Variants in ARFGEF3 observed in about 807,000 individuals in gnomAD.
ARFGEF3 encodes the protein ARFGEF family member 3, also known as brefeldin A-inhibited guanine nucleotide-exchange protein 3.
A neutral mutation model predicts 221.7 loss-of-function variants in ARFGEF3; 96 were observed. The ratio of observed to expected loss-of-function variants is 0.43; its 90% CI spans 0.37 to 0.51. The LOEUF is 0.51. ARFGEF3 is among the 20% of genes least tolerant of loss of function. ARFGEF3 has a pLI of 0.00. For missense variants in ARFGEF3, 2,410 were observed against 2,789.9 expected, an observed-to-expected ratio of 0.86 and a Z score of 3.07; for synonymous variants, 1,145 against 1,126.8, an observed-to-expected ratio of 1.02 and a Z score of -0.32.
At chr6:138,205,691 A>G (rs1305065132) in intron 2 of ARFGEF3, among the ~76,000 whole-genome samples, 2 of 152,248 alleles carry the variant, frequency 1.3e-5, no homozygotes, top group African/African-American at 4.8e-5. Flanking sequence ...TAATTTATCC[A>G]TCTGTCAAAG....
Position 138,343,265 on chromosome 6 carries a change from C to T in ARFGEF3, c.*6779C>T, listed in dbSNP as rs1189590396. The T allele has an allele frequency of 1.3e-5, 2 of 152,114 alleles. No individual in the cohort carries two copies. The highest frequency in any genetic ancestry group is 4.8e-5 in the African/African-American group (2 of 41,404). The allele number at this position is 152,114 out of a possible 1,614,324, so 9.4% of individuals were successfully genotyped here. A position where few individuals can be genotyped will look rare whatever the true frequency, so the allele number is the denominator to read the frequency against. On this transcript the variant is annotated 3_prime_UTR_variant, in exon 34 of 34. Transcript: ENST00000251691. ...TAATTACACATAATGCTTATTGATTCAATGAGGTTTCTCTAAAGACTTCTG... is the reference window on the plus strand; with the variant it reads ...TAATTACACATAATGCTTATTGATTTAATGAGGTTTCTCTAAAGACTTCTG...
In ARFGEF3 at chr6:138,263,301, A is replaced by G. The variant is rs1778826813; in HGVS notation, c.1818A>G (p.Thr606=). Residue 606 remains threonine, a synonymous_variant, in exon 12 of 34, where the codon ACA becomes ACG. Coordinates refer to ENST00000251691, the MANE Select transcript of ARFGEF3 (RefSeq NM_020340.5). ...FSVDDQDLSR[T]EFDSCDQYSM... ...TTGATGACCAAGACCTTTCTAGGAC[A>G]GAGTTTGATTCCTGTGATCAGTACT... The G allele has an allele frequency of 6.2e-7, 1 of 1,613,924 alleles. No homozygotes were observed. Among genetic ancestry groups the G allele is most frequent in the African/African-American group, 1.3e-5 (1 of 74,922 alleles).
chr6:138,325,229 G>C (rs1217233169), intron 31 of ARFGEF3, among the ~76,000 whole-genome samples: 11 of 152,176 alleles, frequency 7.2e-5, no homozygotes, highest in Non-Finnish European at 1.6e-4. Context: ...TTCTCTACCA[G>C]ATCTGTTTAA....
intron 20 of ARFGEF3, among the ~76,000 whole-genome samples, chr6:138,296,504 C>G (rs752396093): frequency 6.6e-6 from 1 of 152,098 alleles, no homozygotes; most frequent in Non-Finnish European, 1.5e-5. Context: ...GGATTCGAAT[C>G]CAGACGGTCG....
rs575570939 is a variant in ARFGEF3 at position 138,343,584 on chromosome 6, T to G, written c.*7098T>G. On this transcript the variant is annotated 3_prime_UTR_variant, in exon 34 of 34. Transcript: ENST00000251691. ...AAGTCAATCTCTAAGAGTAATTTAT[T>G]TTTGTTTTACCAACCAGTGCCAAAA... 59 of 152,310 alleles carry G rather than the reference T, an allele frequency of 3.9e-4. No homozygotes were observed. The highest frequency in any genetic ancestry group is 1.2e-3 in the African/African-American group (49 of 41,582). The allele number at this position is 152,310 out of a possible 1,614,324, so 9.4% of individuals were successfully genotyped here. A position where few individuals can be genotyped will look rare whatever the true frequency, so the allele number is the denominator to read the frequency against.
At chr6:138,328,273 T>C in intron 32 of ARFGEF3, 131 bp downstream of exon 32, 1 of 1,157,678 alleles carries the variant, frequency 8.6e-7, no homozygotes, top group Non-Finnish European at 1.2e-6. Context: ...TTAGCAAAGG[T>C]TTTCATAAAA....
intron 5 of ARFGEF3, among the ~76,000 whole-genome samples, chr6:138,232,841 A>G (rs117974208): frequency 0.013 from 2,010 of 152,252 alleles, 31 homozygotes; most frequent in Middle Eastern, 0.058. Context: ...AAGCAAAGTG[A>G]AGTTTGCTTG....
rs138552448 is a variant in ARFGEF3 at position 138,212,640 on chromosome 6, T to C, written c.351+2599T>C. Among the ~76,000 whole-genome samples the C allele has an allele frequency of 5.1e-3, 783 of 152,272 alleles. 3 individuals are homozygous for C. The highest frequency in any genetic ancestry group is 0.024 in the South Asian group (114 of 4,818). ...TGGAACCAACCCATATGTCCATCAA[T>C]GATAGACTGGATTAAGAAAATATGG... On this transcript the variant is annotated intron_variant, in intron 4 of 33. Transcript: ENST00000251691.
At chr6:138,259,787 A>G (rs948587401) in intron 10 of ARFGEF3, among the ~76,000 whole-genome samples, 3 of 152,206 alleles carry the variant, frequency 2.0e-5, no homozygotes, top group Admixed American at 2.0e-4. Context: ...GGTGGCGCAC[A>G]CCTGTGGTCC....
chr6:138,297,021 G>T, intron 21 of ARFGEF3, 66 bp downstream of exon 21: 2 of 1,531,710 alleles, frequency 1.3e-6, no homozygotes, highest in Non-Finnish European at 1.8e-6. Flanking sequence ...GCCAGCATGG[G>T]GGCCTGCAGT....
In ARFGEF3 at chr6:138,252,139, G is replaced by T. The variant is rs573724188; in HGVS notation, c.666-1741G>T. 3.3e-5 allele frequency among the ~76,000 whole-genome samples: 5 copies of T among 152,252 alleles called. No individual in the cohort carries two copies. In the East Asian group the frequency reaches 9.7e-4, roughly 29 times the overall value. On this transcript the variant is annotated intron_variant, in intron 8 of 33. Coordinates refer to ENST00000251691, the MANE Select transcript of ARFGEF3 (RefSeq NM_020340.5). ...CCACCCTCAAAGGGCGTGGTAGACA[G>T]AGTATATCCAAATATAAGTGGCATT...
At chr6:138,315,603 A>G (rs945541213) in intron 26 of ARFGEF3, among the ~76,000 whole-genome samples, 10 of 152,120 alleles carry the variant, frequency 6.6e-5, no homozygotes, top group Admixed American at 4.6e-4. Context: ...TCTAATCCCA[A>G]CACTTTGGGA....
At chr6:138,178,160 C>T (rs772302003) in intron 2 of ARFGEF3, among the ~76,000 whole-genome samples, 7 of 152,084 alleles carry the variant, frequency 4.6e-5, no homozygotes, top group South Asian at 2.1e-4. Context: ...TGATGTTGGT[C>T]GGCTAGGGTT....
Position 138,291,924 on chromosome 6 carries a change from A to C in ARFGEF3, c.3239A>C (p.Gln1080Pro), listed in dbSNP as rs1007451233. Residue 1080 changes from glutamine to proline, a missense_variant, in exon 19 of 34, where the codon CAG becomes CCG. Coordinates refer to ENST00000251691, the MANE Select transcript of ARFGEF3 (RefSeq NM_020340.5). The surrounding 1 kb of genome is among the most constrained non-coding windows in gnomAD (Gnocchi z 4.5). ...GRSLSTAPVVQPLSIQDLVRE... is the reference protein window; with the variant it reads ...GRSLSTAPVVPPLSIQDLVRE... ...TCCCTGAGCACGGCCCCTGTCGTCCAGCCCCTGTCCATCCAGGACCTCGTC... is the reference window on the plus strand; with the variant it reads ...TCCCTGAGCACGGCCCCTGTCGTCCCGCCCCTGTCCATCCAGGACCTCGTC... 3.3e-6 allele frequency: 5 copies of C among 1,498,666 alleles called. No homozygotes were observed. The African/African-American group carries it at 7.1e-5, about 21-fold the overall frequency. The allele number at this position is 1,498,666 out of a possible 1,614,324, so 92.8% of individuals were successfully genotyped here.
At chr6:138,265,096 G>T (rs1013162331) in intron 12 of ARFGEF3, among the ~76,000 whole-genome samples, 2 of 151,958 alleles carry the variant, frequency 1.3e-5, no homozygotes, top group Admixed American at 6.6e-5. Context: ...GTAGAGACAG[G>T]GTTTCGCTGT....
intron 26 of ARFGEF3, among the ~76,000 whole-genome samples, chr6:138,314,631 A>C (rs1276276530): frequency 2.0e-5 from 3 of 152,210 alleles, no homozygotes; most frequent in African/African-American, 7.2e-5. Flanking sequence ...GCATGCTTCC[A>C]AAATACAATG....
At chr6:138,165,535 G>C (rs987156927) in intron 1 of ARFGEF3, among the ~76,000 whole-genome samples, 1 of 149,508 alleles carries the variant, frequency 6.7e-6, no homozygotes, top group Non-Finnish European at 1.5e-5. Context: ...ATCTCCCTCT[G>C]AGACCCTCAT....
At chr6:138,188,559 A>C (rs1237981983) in intron 2 of ARFGEF3, among the ~76,000 whole-genome samples, 1 of 152,190 alleles carries the variant, frequency 6.6e-6, no homozygotes, top group Non-Finnish European at 1.5e-5. Flanking sequence ...TAGACTTGCT[A>C]TTACCCTGAC....
At chr6:138,270,047 G>A (rs546315553) in intron 12 of ARFGEF3, among the ~76,000 whole-genome samples, 4 of 152,224 alleles carry the variant, frequency 2.6e-5, no homozygotes, top group South Asian at 2.1e-4. Context: ...GAGCAAGAAG[G>A]AAGGGGGCAA....
Sources: gnomAD v4.1 joint callset for allele counts (sites outside exome capture counted in the v4.1 genomes callset) on GRCh38, gnomAD v4.1.1 for gene constraint, Gnocchi (gnomAD v3.1) non-coding constraint, MANE v1.5 for transcripts, NCBI Gene and HGNC (gene_info 2026-07-23, HGNC 2026-07-21) for gene names.